STXBP5L: variants seen among roughly 807,000 people sequenced by gnomAD.
The protein encoded by STXBP5L is syntaxin-binding protein 5-like.
A neutral mutation model predicts 144.5 loss-of-function variants in STXBP5L; 65 were observed. That is an observed-to-expected ratio of 0.45 (90% CI 0.37 to 0.55). The LOEUF is 0.55. Among genes scored for constraint, STXBP5L ranks in the 20% least tolerant of loss-of-function variants. The pLI, the probability that STXBP5L is intolerant of heterozygous loss-of-function variation, is 0.00. For synonymous variants in STXBP5L, 505 were observed against 469.6 expected, an observed-to-expected ratio of 1.08 and a Z score of -0.97; for missense variants, 1,298 against 1,405.5, an observed-to-expected ratio of 0.92 and a Z score of 1.22.
intron 17 of STXBP5L, among the ~76,000 whole-genome samples, chr3:121,257,662 C>T (rs1247929042): frequency 1.3e-5 from 2 of 152,180 alleles, no homozygotes; most frequent in African/African-American, 2.4e-5. Flanking sequence ...TGATGGCTCA[C>T]GCCTGTATTC....
intron 22 of STXBP5L, among the ~76,000 whole-genome samples, chr3:121,387,830 T>G (rs996885443): frequency 5.3e-5 from 8 of 152,236 alleles, no homozygotes; most frequent in Non-Finnish European, 8.8e-5. Flanking sequence ...TGAAGTCAGG[T>G]AGCTTGATGC....
intron 5 of STXBP5L, among the ~76,000 whole-genome samples, chr3:121,107,150 G>A (rs1474043846): frequency 2.6e-5 from 4 of 151,218 alleles, no homozygotes; most frequent in Non-Finnish European, 5.9e-5. Context: ...TTAGACCTTT[G>A]TCAGATGGAT....
At chr3:121,332,216 A>G (rs1015841325) in intron 20 of STXBP5L, among the ~76,000 whole-genome samples, 1 of 152,008 alleles carries the variant, frequency 6.6e-6, no homozygotes, top group Non-Finnish European at 1.5e-5. Flanking sequence ...CCCCCAAAAG[A>G]TCATACTAGG....
intron 19 of STXBP5L, among the ~76,000 whole-genome samples, chr3:121,312,603 G>T (rs1164095622): frequency 1.3e-5 from 2 of 150,918 alleles, no homozygotes; most frequent in Non-Finnish European, 3.0e-5. Flanking sequence ...AGAGGACCCT[G>T]CGGCCTTCCG....
At chr3:121,127,008 G>T (rs1389334398) in intron 7 of STXBP5L, among the ~76,000 whole-genome samples, 1 of 152,122 alleles carries the variant, frequency 6.6e-6, no homozygotes, top group Admixed American at 6.6e-5. Flanking sequence ...TGTTGTTGTT[G>T]TTATGTAAAG....
chr3:121,359,986 A>ATAATATATATATTATTACTATATAATG, intron 20 of STXBP5L, among the ~76,000 whole-genome samples: 1 of 145,934 alleles, frequency 6.9e-6, no homozygotes, highest in Non-Finnish European at 1.5e-5. Flanking sequence ...TATAATATAT[A>ATAATATATATATTATTACTATATAATG]TAATATATAT....
chr3:121,191,407 C>T (rs536390700), intron 9 of STXBP5L, among the ~76,000 whole-genome samples: 73 of 152,282 alleles, frequency 4.8e-4, no homozygotes, highest in African/African-American at 1.4e-3. Context: ...GGCGTGGAGG[C>T]GCACGCCTGC....
intron 22 of STXBP5L, among the ~76,000 whole-genome samples, chr3:121,383,965 G>A: frequency 6.6e-6 from 1 of 152,148 alleles, no homozygotes; most frequent in East Asian, 1.9e-4. Context: ...TGAAGTGAGT[G>A]ACATGCTCTC....
At chr3:121,223,247 T>A (rs2049027329) in intron 11 of STXBP5L, 90 bp downstream of exon 11, 26 of 1,327,766 alleles carry the variant, frequency 2.0e-5, no homozygotes, top group Non-Finnish European at 2.3e-5. Context: ...TTTTCAGATG[T>A]CTACTGTGGT....
chr3:121,297,239 T>A (rs188375254), intron 19 of STXBP5L, among the ~76,000 whole-genome samples: 309 of 143,506 alleles, frequency 2.2e-3, no homozygotes, highest in African/African-American at 7.3e-3. Flanking sequence ...TGTGTGTGTG[T>A]GATATTCCTG....
intron 3 of STXBP5L, among the ~76,000 whole-genome samples, chr3:120,995,044 A>G (rs937286475): frequency 2.0e-5 from 3 of 152,118 alleles, no homozygotes; most frequent in African/African-American, 7.2e-5. Context: ...TCCTCAACCT[A>G]CTTTTAAAAA....
At chr3:121,187,126 G>C (rs1417652518) in intron 9 of STXBP5L, among the ~76,000 whole-genome samples, 1 of 152,096 alleles carries the variant, frequency 6.6e-6, no homozygotes, top group Non-Finnish European at 1.5e-5. Flanking sequence ...TATGTTTATG[G>C]TGGCACTATT....
chr3:121,211,208 T>C (rs1364478071), intron 10 of STXBP5L, among the ~76,000 whole-genome samples: 1 of 152,220 alleles, frequency 6.6e-6, no homozygotes, highest in Non-Finnish European at 1.5e-5. Flanking sequence ...GAATGTGAGT[T>C]TACTCACGAT....
chr3:120,955,967 A>G (rs938131935), intron 3 of STXBP5L, among the ~76,000 whole-genome samples: 3 of 152,020 alleles, frequency 2.0e-5, no homozygotes, highest in Admixed American at 6.6e-5. Context: ...GCATGTATCA[A>G]TAGTTTATTC....
intron 5 of STXBP5L, among the ~76,000 whole-genome samples, chr3:121,073,807 A>G (rs1380044751): frequency 1.3e-5 from 2 of 152,132 alleles, no homozygotes; most frequent in Non-Finnish European, 2.9e-5. Context: ...TGCCCCTAAA[A>G]GCTCCTGCAC....
At chr3:121,357,567 C>T (rs1013131327) in intron 20 of STXBP5L, 1 of 152,288 alleles carries the variant, frequency 6.6e-6, no homozygotes. Context: ...TTCAATTTGT[C>T]TATGGGAGCT....
At chr3:121,169,589 A>G (rs994768364) in intron 9 of STXBP5L, among the ~76,000 whole-genome samples, 3 of 152,242 alleles carry the variant, frequency 2.0e-5, no homozygotes, top group Non-Finnish European at 4.4e-5. Context: ...AAAGATCAAA[A>G]GAGACAAAGA....
intron 20 of STXBP5L, among the ~76,000 whole-genome samples, chr3:121,343,451 T>C (rs1290955290): frequency 1.3e-5 from 2 of 152,116 alleles, no homozygotes; most frequent in African/African-American, 4.8e-5. Context: ...AAAGAGGAAG[T>C]CAAATTATCC....
At chr3:121,348,123 A>T (rs946628903) in intron 20 of STXBP5L, among the ~76,000 whole-genome samples, 4 of 152,038 alleles carry the variant, frequency 2.6e-5, no homozygotes, top group African/African-American at 2.4e-5. Flanking sequence ...TTATTTTGAG[A>T]TATGTCCCAT....
Sources: gnomAD v4.1 joint callset for allele counts (sites outside exome capture counted in the v4.1 genomes callset) on GRCh38, gnomAD v4.1.1 for gene constraint, MANE v1.5 for transcripts, NCBI Gene and HGNC (gene_info 2026-07-23, HGNC 2026-07-21) for gene names.